BMP2K: variants seen among roughly 807,000 people sequenced by gnomAD.
BMP2K encodes BMP-2-inducible protein kinase.
BMP2K carries 74 observed loss-of-function variants against 116.0 expected under a neutral mutation model. That is an observed-to-expected ratio of 0.64 (90% CI 0.53 to 0.77). The LOEUF (loss-of-function observed/expected upper bound fraction) is 0.77, where lower values mean the gene tolerates loss of function less well. Among genes scored for constraint, BMP2K ranks in the 30% least tolerant of loss-of-function variants. BMP2K has a pLI of 0.00. For synonymous variants in BMP2K, 486 were observed against 502.5 expected (o/e 0.97, Z 0.44); for missense variants, 1,365 against 1,403.6 (o/e 0.97, Z 0.44).
chr4:78,884,263 G>A (rs1732980723), intron 14 of BMP2K, among the ~76,000 whole-genome samples: 1 of 152,144 alleles, frequency 6.6e-6, no homozygotes, highest in African/African-American at 2.4e-5. Context: ...AGAGGTTGAG[G>A]CCACAGTGAG....
At chr4:78,795,640 C>T (rs1431686405) in intron 1 of BMP2K, among the ~76,000 whole-genome samples, 2 of 152,092 alleles carry the variant, frequency 1.3e-5, no homozygotes, top group Admixed American at 1.3e-4. Flanking sequence ...ACCTACTCAT[C>T]TGACAAAGGG....
chr4:78,777,725 G>T (rs765150731), intron 1 of BMP2K, among the ~76,000 whole-genome samples: 12 of 152,180 alleles, frequency 7.9e-5, no homozygotes, highest in Non-Finnish European at 1.3e-4. Context: ...TTCTCCGAGC[G>T]TTAGACGTTG....
At chr4:78,850,620 A>C (rs1483655203) in intron 6 of BMP2K, among the ~76,000 whole-genome samples, 1 of 151,912 alleles carries the variant, frequency 6.6e-6, no homozygotes. Context: ...TTATGTATTA[A>C]GTATATATTT....
intron 14 of BMP2K, chr4:78,879,604 A>T: frequency 4.7e-6 from 1 of 214,276 alleles, no homozygotes; most frequent in African/African-American, 2.4e-5. Flanking sequence ...GAGTATGTAG[A>T]TAATTTTCAG....
chr4:78,846,129 T>C (rs1730986443), intron 5 of BMP2K, among the ~76,000 whole-genome samples: 1 of 151,714 alleles, frequency 6.6e-6, no homozygotes, highest in Non-Finnish European at 1.5e-5. Flanking sequence ...TATTTCTTGC[T>C]GTTGCCTTTT....
chr4:78,904,906 A>G (rs957409699), intron 15 of BMP2K, among the ~76,000 whole-genome samples: 2 of 151,954 alleles, frequency 1.3e-5, no homozygotes, highest in African/African-American at 4.8e-5. Context: ...TCCATCTACA[A>G]TAATGAATCT....
intron 1 of BMP2K, among the ~76,000 whole-genome samples, chr4:78,824,283 C>G (rs1246791757): frequency 6.6e-6 from 1 of 152,142 alleles, no homozygotes; most frequent in Non-Finnish European, 1.5e-5. Flanking sequence ...TTAGTCTGTT[C>G]TCATGCTGCT....
rs191856782 is a variant in BMP2K at position 78,888,278 on chromosome 4, C to T, written c.2062+994C>T. The T allele has an allele frequency of 7.4e-4, 112 of 152,328 alleles. 1 individual carries two copies. The highest frequency in any genetic ancestry group is 2.5e-3 in the African/African-American group (104 of 41,574). The allele number at this position is 152,328 out of a possible 1,614,324, so 9.4% of individuals were successfully genotyped here. A position where few individuals can be genotyped will look rare whatever the true frequency, so the allele number is the denominator to read the frequency against. On this transcript the variant is annotated intron_variant, in intron 15 of 15. Transcript: ENST00000502613. ...TTCAAGTTTTCTTTTTCATAAATGA[C>T]ATAATTAACTGGGGAACATAGCTTA...
intron 1 of BMP2K, among the ~76,000 whole-genome samples, chr4:78,814,791 A>G (rs1041265751): frequency 6.6e-6 from 1 of 151,824 alleles, no homozygotes; most frequent in Non-Finnish European, 1.5e-5. Flanking sequence ...TATATTACAG[A>G]TTTTTTCCCT....
chr4:78,847,895 T>C (rs967668236), intron 6 of BMP2K, among the ~76,000 whole-genome samples: 1 of 151,712 alleles, frequency 6.6e-6, no homozygotes, highest in African/African-American at 2.4e-5. Flanking sequence ...TAAGTGTTAA[T>C]TCATTTAAAT....
At chr4:78,842,878 C>G (rs920052034) in intron 4 of BMP2K, among the ~76,000 whole-genome samples, 1 of 151,994 alleles carries the variant, frequency 6.6e-6, no homozygotes, top group Non-Finnish European at 1.5e-5. Flanking sequence ...AGCATTTCTC[C>G]TATTAACTGT....
chr4:78,888,402 T>C (rs1457112843), intron 15 of BMP2K, among the ~76,000 whole-genome samples: 1 of 152,212 alleles, frequency 6.6e-6, no homozygotes, highest in Non-Finnish European at 1.5e-5. Context: ...TAACTCAAAA[T>C]AGTCATTGTA....
rs140542686 is a variant in BMP2K, at chr4:78,859,605, C to T, written c.905C>T (p.Pro302Leu). ...CLIRFMLEPD[P>L]EHRPDIFQVS... ...GCAGGGTTCATGCTTGAACCAGATCCGGAACATAGACCTGATATATTTCAA... is the reference window on the plus strand; with the variant it reads ...GCAGGGTTCATGCTTGAACCAGATCTGGAACATAGACCTGATATATTTCAA... The change falls in exon 8 of 16, where the codon CCG (proline) becomes CTG (leucine). Residue 302 changes from proline (P) to leucine (L), a missense_variant. Transcript: ENST00000502613. 26 of 1,609,302 alleles carry T rather than the reference C, an allele frequency of 1.6e-5. No homozygotes were observed. In the East Asian group the frequency reaches 2.2e-4, roughly 14 times the overall value.
intron 7 of BMP2K, among the ~76,000 whole-genome samples, chr4:78,857,221 C>G (rs952699566): frequency 1.3e-5 from 2 of 151,994 alleles, no homozygotes; most frequent in Non-Finnish European, 2.9e-5. Flanking sequence ...AATAGTAGTT[C>G]TGACCTTTTG....
chr4:78,820,715 G>T (rs1050800395), intron 1 of BMP2K: 6 of 152,510 alleles, frequency 3.9e-5, no homozygotes, highest in African/African-American at 7.2e-5. Flanking sequence ...GGGATTACAG[G>T]CATGTGCCAT....
chr4:78,817,777 C>T (rs1279579183), intron 1 of BMP2K, among the ~76,000 whole-genome samples: 26 of 151,904 alleles, frequency 1.7e-4, no homozygotes, highest in African/African-American at 6.3e-4. Context: ...TCTAATCTGT[C>T]TAACCTCTAG....
intron 9 of BMP2K, 151 bp from the exon 10 acceptor site, chr4:78,865,406 T>A: frequency 1.4e-6 from 1 of 713,428 alleles, no homozygotes; most frequent in East Asian, 2.7e-5. Context: ...AAACGTTTAA[T>A]ACTTGAAAAT....
At chr4:78,822,959 G>A in intron 1 of BMP2K, among the ~76,000 whole-genome samples, 1 of 152,102 alleles carries the variant, frequency 6.6e-6, no homozygotes, top group East Asian at 1.9e-4. Context: ...CTCCCTGTAA[G>A]TGCATTCTTC....
At chr4:78,781,185 G>A (rs1310095361) in intron 1 of BMP2K, among the ~76,000 whole-genome samples, 1 of 152,174 alleles carries the variant, frequency 6.6e-6, no homozygotes, top group Non-Finnish European at 1.5e-5. Flanking sequence ...AATGCAACAG[G>A]AAGCTATTGA....
Sources: allele counts gnomAD v4.1 joint callset (sites outside exome capture counted in the v4.1 genomes callset), GRCh38; gene constraint gnomAD v4.1.1; transcripts MANE v1.5; gene names NCBI Gene and HGNC (gene_info 2026-07-23, HGNC 2026-07-21).